Variants in LIX1 observed in about 807,000 individuals in gnomAD.
LIX1 encodes limb and CNS expressed 1.
A neutral mutation model predicts 33.4 loss-of-function variants in LIX1; 24 were observed. The observed-to-expected ratio is 0.72, with a 90% confidence interval of 0.52 to 1.01. The LOEUF is 1.01. Ranked by LOEUF, LIX1 falls within the 50% of genes least tolerant of loss-of-function variation. LIX1 has a pLI of 0.00. For synonymous variants in LIX1, 124 were observed against 124.0 expected (o/e 1.00, Z 0.00); for missense variants, 311 against 339.2 (o/e 0.92, Z 0.65).
At chr5:97,107,262 C>A (rs1348800706) in intron 3 of LIX1, 98 bp downstream of exon 3, 2 of 1,249,062 alleles carry the variant, frequency 1.6e-6, no homozygotes, top group Non-Finnish European at 2.2e-6. Flanking sequence ...CTACAGAATT[C>A]TTAAAATAAG....
chr5:97,113,077 A>G (rs1307519103), intron 2 of LIX1, among the ~76,000 whole-genome samples: 1 of 152,238 alleles, frequency 6.6e-6, no homozygotes, highest in Non-Finnish European at 1.5e-5. Flanking sequence ...AAGTGGAACC[A>G]AGAGGAAAAG....
chr5:97,127,348 T>C (rs1305451918), intron 1 of LIX1, among the ~76,000 whole-genome samples: 2 of 152,214 alleles, frequency 1.3e-5, no homozygotes, highest in South Asian at 2.1e-4. Flanking sequence ...TTTGAAGGTA[T>C]GCACTAAGTC....
At chr5:97,096,980 A>C in intron 4 of LIX1, 93 bp from the exon 5 acceptor site, 1 of 945,252 alleles carries the variant, frequency 1.1e-6, no homozygotes, top group South Asian at 1.4e-5. Flanking sequence ...CAAATATATC[A>C]GGAAACAGAA....
intron 1 of LIX1, among the ~76,000 whole-genome samples, chr5:97,133,414 G>A (rs1317003010): frequency 1.3e-5 from 2 of 152,188 alleles, no homozygotes; most frequent in Non-Finnish European, 2.9e-5. Context: ...CACATTGTAA[G>A]TACTAGAGTG....
intron 1 of LIX1, among the ~76,000 whole-genome samples, chr5:97,126,208 T>A (rs1022276912): frequency 1.3e-5 from 2 of 152,274 alleles, no homozygotes; most frequent in South Asian, 4.1e-4. Context: ...TAACACGGCA[T>A]CTATGCCCTT....
At chr5:97,126,191 C>T (rs1747915578) in intron 1 of LIX1, among the ~76,000 whole-genome samples, 1 of 152,226 alleles carries the variant, frequency 6.6e-6, no homozygotes, top group South Asian at 2.1e-4. Context: ...TTCAAACATG[C>T]TTTGTGTAAC....
intron 2 of LIX1, among the ~76,000 whole-genome samples, chr5:97,110,637 T>A (rs1270185155): frequency 6.6e-6 from 1 of 151,902 alleles, no homozygotes; most frequent in Non-Finnish European, 1.5e-5. Flanking sequence ...AGAGATGGGG[T>A]TTCTCCATGT....
chr5:97,135,469 C>T (rs1748151758), intron 1 of LIX1, among the ~76,000 whole-genome samples: 1 of 152,206 alleles, frequency 6.6e-6, no homozygotes, highest in Non-Finnish European at 1.5e-5. Context: ...TTTATCCAAT[C>T]AGAAAGTACA....
chr5:97,141,282 C>T (rs536168191), intron 1 of LIX1, among the ~76,000 whole-genome samples: 92 of 152,200 alleles, frequency 6.0e-4, no homozygotes, highest in Non-Finnish European at 1.1e-3. Flanking sequence ...CTCCCCTTTT[C>T]GCTTAAAAAA....
At chr5:97,135,157 C>CT (rs1748146464) in intron 1 of LIX1, among the ~76,000 whole-genome samples, 1 of 152,138 alleles carries the variant, frequency 6.6e-6, no homozygotes, top group Admixed American at 6.5e-5. Context: ...GGATATCATA[C>CT]TTTTTTGCTT....
At chr5:97,115,772 G>C (rs1259006257) in intron 2 of LIX1, among the ~76,000 whole-genome samples, 1 of 142,434 alleles carries the variant, frequency 7.0e-6, no homozygotes, top group East Asian at 2.0e-4. Flanking sequence ...AAAAAAAAAA[G>C]AACAGTAATG....
chr5:97,093,976 T>A lies in LIX1; in HGVS notation c.*772A>T, dbSNP rs1426464570. On this transcript the variant is annotated 3_prime_UTR_variant, in exon 6 of 6. Coordinates refer to ENST00000274382, the MANE Select transcript of LIX1 (RefSeq NM_153234.5). ...AAAATAAGAACAAATTAGTTCAGGT[T>A]ATCGATTTGCAAATTAAAAATGAAC... 6.6e-6 allele frequency: 1 copy of A among 152,382 alleles called. No individual in the cohort carries two copies. 9.4% of individuals were successfully genotyped at this position (152,382 alleles called of 1,614,324 possible).
intron 1 of LIX1, chr5:97,137,178 A>G (rs1580249456): frequency 4.6e-6 from 2 of 434,032 alleles, no homozygotes; most frequent in Non-Finnish European, 4.6e-6. Flanking sequence ...TTGAGTTCAG[A>G]CTAACAAATC....
chr5:97,134,827 G>A (rs1336057000), intron 1 of LIX1, among the ~76,000 whole-genome samples: 2 of 152,190 alleles, frequency 1.3e-5, no homozygotes, highest in Non-Finnish European at 2.9e-5. Context: ...TGGACACACA[G>A]GGTACAACAT....
At chr5:97,123,557 C>A (rs1747836641) in intron 2 of LIX1, among the ~76,000 whole-genome samples, 2 of 152,216 alleles carry the variant, frequency 1.3e-5, no homozygotes, top group African/African-American at 2.4e-5. Context: ...TTCAGCCTCT[C>A]AGCCATTTAA....
At chr5:97,137,721 CT>C (rs570376527) in intron 1 of LIX1, among the ~76,000 whole-genome samples, 54 of 151,556 alleles carry the variant, frequency 3.6e-4, no homozygotes, top group Admixed American at 8.6e-4. Flanking sequence ...TTTTGTTTGG[CT>C]TTTTTTTGTG....
intron 2 of LIX1, among the ~76,000 whole-genome samples, chr5:97,116,116 A>C (rs1304495131): frequency 6.6e-6 from 1 of 152,168 alleles, no homozygotes; most frequent in Non-Finnish European, 1.5e-5. Context: ...CAGTGTCACC[A>C]ACACCTCGGT....
At chr5:97,114,936 A>G (rs1237319941) in intron 2 of LIX1, among the ~76,000 whole-genome samples, 1 of 152,214 alleles carries the variant, frequency 6.6e-6, no homozygotes, top group African/African-American at 2.4e-5. Flanking sequence ...CTGATTTCTC[A>G]TTAGAGAAAC....
chr5:97,095,181 T>G, intron 5 of LIX1, 146 bp from the exon 6 acceptor site: 1 of 797,910 alleles, frequency 1.3e-6, no homozygotes. Context: ...CAAAACCCAC[T>G]GGTTTACTTC....
Sources: allele counts gnomAD v4.1 joint callset (sites outside exome capture counted in the v4.1 genomes callset), GRCh38; gene constraint gnomAD v4.1.1; transcripts MANE v1.5; gene names NCBI Gene and HGNC (gene_info 2026-07-23, HGNC 2026-07-21).